Variants in MAF observed in about 807,000 individuals in gnomAD.
MAF encodes transcription factor Maf.
Under a neutral mutation model 22.0 loss-of-function variants are expected in MAF, and 10 were observed. That is an observed-to-expected ratio of 0.45 (90% confidence interval 0.28 to 0.77). The LOEUF (loss-of-function observed/expected upper bound fraction) is 0.77, where lower values mean the gene tolerates loss of function less well. Among genes scored for constraint, MAF ranks in the 30% least tolerant of loss-of-function variants. The pLI is 0.12. For synonymous variants in MAF, 337 were observed against 255.8 expected (o/e 1.32, Z -3.03); for missense variants, 544 against 548.4 (o/e 0.99, Z 0.08).
chr16:79,454,429 T>A, the MAF span, among the ~76,000 whole-genome samples: 1 of 152,180 alleles, frequency 6.6e-6, no homozygotes, highest in Admixed American at 6.5e-5. Context: ...AATATTGGTC[T>A]TGATTACTTG....
chr16:79,205,648 G>A, the MAF span: 1 of 152,190 alleles, frequency 6.6e-6, no homozygotes, highest in Non-Finnish European at 1.5e-5. Context: ...AGAATAGCCT[G>A]TGAGTTAGCA....
At chr16:79,294,701 G>A in the MAF span, among the ~76,000 whole-genome samples, 1 of 152,158 alleles carries the variant, frequency 6.6e-6, no homozygotes, top group Admixed American at 6.5e-5. Flanking sequence ...CCACTATCAT[G>A]CTAGATAGTG....
the MAF span, among the ~76,000 whole-genome samples, chr16:79,571,554 T>TTTTTTTTTTTTTTTTTTTTTTTTTC: frequency 7.2e-6 from 1 of 139,790 alleles, no homozygotes; most frequent in Non-Finnish European, 1.5e-5. Context: ...TTTTTTTTTT[T>TTTTTTTTTTTTTTTTTTTTTTTTTC]ACAAATGCAC....
chr16:79,481,869 A>T, the MAF span, among the ~76,000 whole-genome samples: 60 of 152,318 alleles, frequency 3.9e-4, no homozygotes, highest in African/African-American at 1.2e-3. Flanking sequence ...CAGTCACAGG[A>T]AGGTGTTACT....
At chr16:79,491,889 G>A in the MAF span, among the ~76,000 whole-genome samples, 1 of 152,156 alleles carries the variant, frequency 6.6e-6, no homozygotes, top group Non-Finnish European at 1.5e-5. Context: ...TACTCCGGCT[G>A]TGAGTGCAGC....
At chr16:79,580,830 G>A in the MAF span, among the ~76,000 whole-genome samples, 8 of 151,482 alleles carry the variant, frequency 5.3e-5, 1 homozygote, top group Admixed American at 4.6e-4. Context: ...AAAAAAAATA[G>A]AAGAAAAATT....
the MAF span, among the ~76,000 whole-genome samples, chr16:79,484,351 A>C: frequency 6.6e-6 from 1 of 152,198 alleles, no homozygotes; most frequent in Non-Finnish European, 1.5e-5. Flanking sequence ...CCACCCAGGA[A>C]CCAGAGGGCT....
chr16:79,557,536 C>T, the MAF span, among the ~76,000 whole-genome samples: 3 of 152,030 alleles, frequency 2.0e-5, no homozygotes, highest in Non-Finnish European at 2.9e-5. Context: ...TCAGCCCTGC[C>T]GTTTACTACT....
At chr16:79,558,627 C>T in the MAF span, among the ~76,000 whole-genome samples, 4 of 152,212 alleles carry the variant, frequency 2.6e-5, no homozygotes, top group East Asian at 1.9e-4. Flanking sequence ...GGAAGCAACA[C>T]AGAATGGGCA....
the MAF span, among the ~76,000 whole-genome samples, chr16:79,567,474 TTTTTG>T: frequency 3.3e-5 from 5 of 152,246 alleles, no homozygotes; most frequent in African/African-American, 9.6e-5. Context: ...GCAAGGGATT[TTTTTG>T]TTTTATCTTT....
At chr16:79,376,496 A>C in the MAF span, among the ~76,000 whole-genome samples, 1 of 152,066 alleles carries the variant, frequency 6.6e-6, no homozygotes, top group African/African-American at 2.4e-5. Flanking sequence ...TGCTTTGTTT[A>C]GTTGAGAATA....
the MAF span, among the ~76,000 whole-genome samples, chr16:79,519,762 C>T: frequency 3.9e-5 from 6 of 152,240 alleles, no homozygotes; most frequent in Non-Finnish European, 7.3e-5. Context: ...GCCGGTGTGA[C>T]GCTGAGCGTC....
the MAF span, among the ~76,000 whole-genome samples, chr16:79,206,937 G>C: frequency 2.6e-5 from 4 of 152,178 alleles, no homozygotes; most frequent in Non-Finnish European, 5.9e-5. Flanking sequence ...TTTTGGAGCA[G>C]TTTGCTTTCA....
chr16:79,487,107 C>T, the MAF span, among the ~76,000 whole-genome samples: 8 of 151,942 alleles, frequency 5.3e-5, no homozygotes, highest in East Asian at 1.6e-3. Flanking sequence ...GTTTTATATA[C>T]TTTCACAAAG....
chr16:79,257,274 T>C, the MAF span, among the ~76,000 whole-genome samples: 1 of 152,206 alleles, frequency 6.6e-6, no homozygotes, highest in African/African-American at 2.4e-5. Context: ...ATTGTACCTA[T>C]GTCAGTTTCC....
At chr16:79,313,492 A>T in the MAF span, among the ~76,000 whole-genome samples, 15 of 152,222 alleles carry the variant, frequency 9.9e-5, no homozygotes, top group South Asian at 2.5e-3. Flanking sequence ...GTAAAAACGG[A>T]CTGTTCCCAT....
chr16:79,288,228 A>G, the MAF span, among the ~76,000 whole-genome samples: 1 of 152,158 alleles, frequency 6.6e-6, no homozygotes, highest in African/African-American at 2.4e-5. Flanking sequence ...TGGGGTGTGT[A>G]TCTCCTCCCC....
At chr16:79,267,796 A>T in the MAF span, among the ~76,000 whole-genome samples, 1 of 152,144 alleles carries the variant, frequency 6.6e-6, no homozygotes, top group Non-Finnish European at 1.5e-5. Flanking sequence ...GATGTTTATG[A>T]TGAGGCCAGG....
chr16:79,300,212 A>T, the MAF span, among the ~76,000 whole-genome samples: 1 of 152,246 alleles, frequency 6.6e-6, no homozygotes, highest in African/African-American at 2.4e-5. Flanking sequence ...AATTAAAAAT[A>T]GACAACATTT....
Sources: gnomAD v4.1 joint callset for allele counts (sites outside exome capture counted in the v4.1 genomes callset) on GRCh38, gnomAD v4.1.1 for gene constraint, MANE v1.5 for transcripts, NCBI Gene and HGNC (gene_info 2026-07-23, HGNC 2026-07-21) for gene names.